Variants in SSRP1 observed in about 807,000 individuals in gnomAD.
SSRP1 encodes structure specific recognition protein 1, also known as FACT complex subunit SSRP1.
A neutral mutation model predicts 84.4 loss-of-function variants in SSRP1; 21 were observed. That is an observed-to-expected ratio of 0.25 (90% CI 0.18 to 0.36). SSRP1 has a LOEUF of 0.36. SSRP1 is among the 10% of genes least tolerant of loss of function. The pLI is 1.00. For missense variants in SSRP1, 519 were observed against 900.8 expected, an observed-to-expected ratio of 0.58 and a Z score of 5.43; for synonymous variants, 319 against 318.3, an observed-to-expected ratio of 1.00 and a Z score of -0.02.
Position 57,333,544 on chromosome 11 carries a change from T to G in SSRP1, c.241-4A>C. On this transcript the variant is annotated splice_region_variant and splice_polypyrimidine_tract_variant and intron_variant, in intron 3 of 16. Transcript: ENST00000278412. ...AATCAGAGAGTTTCTCAAACTCCTG[T>G]GGGTGGAGGGAAGAAAGCACAATCC... 6.2e-7 allele frequency: 1 copy of G among 1,609,330 alleles called. No homozygotes were observed. The highest frequency in any genetic ancestry group is 1.7e-5 in the Admixed American group (1 of 60,002).
At position 57,326,448 on chromosome 11, in the gene SSRP1, G is replaced by C. The variant is rs1329631918; in HGVS notation, c.2089C>G (p.Pro697Ala). Residue 697 changes from proline (P) to alanine (A), a missense_variant, in exon 17 of 17, where the codon CCC becomes GCC. This residue lies in a region of SSRP1 where 197 missense variants were observed against 265.0 expected (regional missense o/e 0.74). Transcript: ENST00000278412. ...DSEEEELAST[P>A]PSSEDSASGS... The stretch of plus-strand genomic sequence containing the variant: ...GACGCTGAGTCCTCTGAGCTGGGGG[G>C]AGTACTGGCTAGTTCTTCTTCTTCA... The C allele has an allele frequency of 6.2e-7, 1 of 1,614,026 alleles. No individual in the cohort carries two copies. The highest frequency in any genetic ancestry group is 8.5e-7 in the Non-Finnish European group (1 of 1,180,032).
At chr11:57,333,280 G>A (rs1174395421) in intron 4 of SSRP1, 131 bp from the exon 5 acceptor site, 2 of 1,157,996 alleles carry the variant, frequency 1.7e-6, no homozygotes, top group Admixed American at 2.2e-5. Flanking sequence ...CCCAACCCCA[G>A]GCAGTATACT....
At chr11:57,328,041 C>T in intron 13 of SSRP1, 159 bp from the exon 14 acceptor site, 1 of 984,274 alleles carries the variant, frequency 1.0e-6, no homozygotes, top group Non-Finnish European at 1.5e-6. Context: ...TCTCCTTCCC[C>T]TCTGCAATTC....
At position 57,335,394 on chromosome 11, in the gene SSRP1, G is replaced by A. The variant is rs1251773713; in HGVS notation, c.-119-154C>T. The A allele has an allele frequency of 7.1e-6, 3 of 421,996 alleles. No individual in the cohort carries two copies. In the Admixed American group the frequency reaches 1.1e-4, roughly 15 times the overall value. The allele number at this position is 421,996 out of a possible 1,614,324, so 26.1% of individuals were successfully genotyped here. On this transcript the variant is annotated intron_variant, in intron 1 of 16. Coordinates refer to ENST00000278412, the MANE Select transcript of SSRP1 (RefSeq NM_003146.3). This position sits in a 1 kb window ranked among gnomAD's most constrained non-coding sequence, Gnocchi z 4.6. ...GGACGCTGCAGTGCCCGAGGGTCCA[G>A]GTCCAGGCCTGGGTGGAGAACCGGG...
At position 57,330,797 on chromosome 11, in the gene SSRP1, CCCTTTCTCCCCT is replaced by C; in HGVS notation, c.1296+46_1296+57del. On this transcript the variant is annotated intron_variant, in intron 10 of 16. Coordinates refer to ENST00000278412, the MANE Select transcript of SSRP1 (RefSeq NM_003146.3). This position sits in a 1 kb window ranked among gnomAD's most constrained non-coding sequence, Gnocchi z 4.0. ...AAAAGAAGCCGGAAAAAATCTCCACCCCTTTCTCCCCTATAGAAAGACCAGGAGAGGGTCTCA... is the reference window on the plus strand; with the variant it reads ...AAAAGAAGCCGGAAAAAATCTCCACCATAGAAAGACCAGGAGAGGGTCTCA... 6.2e-7 allele frequency: 1 copy of C among 1,611,918 alleles called. No homozygotes were observed. The highest frequency in any genetic ancestry group is 8.5e-7 in the Non-Finnish European group (1 of 1,178,650).
chr11:57,327,775 G>A lies in SSRP1; in HGVS notation c.1719C>T (p.Ser573=), dbSNP rs1590604540. The change falls in exon 14 of 17, where the codon AGC becomes AGT. Residue 573 remains serine, a synonymous_variant. Coordinates refer to ENST00000278412, the MANE Select transcript of SSRP1 (RefSeq NM_003146.3). ...CTGCCTTCTTGGAAAGATCCGTGAT[G>A]CTGATGCCAGGATGGTCTGACTTGA... ...EKIKSDHPGI[S]ITDLSKKAGE... is the part of the protein sequence containing the mutation. 1 of 1,614,120 alleles carries A rather than the reference G, an allele frequency of 6.2e-7. No individual in the cohort carries two copies. Among genetic ancestry groups the A allele is most frequent in the Non-Finnish European group, 8.5e-7 (1 of 1,180,026 alleles).
rs1856076614 is a variant in SSRP1 at position 57,330,893 on chromosome 11, C to T, written c.1258G>A (p.Ala420Thr). 2 of 1,614,078 alleles carry T rather than the reference C, an allele frequency of 1.2e-6. No homozygotes were observed. Among genetic ancestry groups the T allele is most frequent in the South Asian group, 1.1e-5 (1 of 91,088 alleles). Residue 420 changes from alanine to threonine, a missense_variant, in exon 10 of 17, where the codon GCG becomes ACG. By Grantham distance (58) the Ala-to-Thr change is moderately conservative. This residue lies in a region of SSRP1 where 34 missense variants were observed against 34.3 expected (regional missense o/e 0.99). Transcript: ENST00000278412. This position sits in a 1 kb window ranked among gnomAD's most constrained non-coding sequence, Gnocchi z 4.0. Reference sequence around the variant, plus strand: ...CGGTTTTTGATGTTGAGCTTTTTCGCGTTGACAAAATCAAACAGTTTCCCG... The same window carrying T: ...CGGTTTTTGATGTTGAGCTTTTTCGTGTTGACAAAATCAAACAGTTTCCCG... ...EYGKLFDFVNAKKLNIKNRGL... is the reference protein window; with the variant it reads ...EYGKLFDFVNTKKLNIKNRGL...
chr11:57,328,453 C>T (rs1311303653), intron 12 of SSRP1, 27 bp from the exon 13 acceptor site: 4 of 1,613,282 alleles, frequency 2.5e-6, no homozygotes, highest in African/African-American at 1.3e-5. Flanking sequence ...CAGGCTTAGA[C>T]TTGAGGAGGG....
At position 57,326,821 on chromosome 11, in the gene SSRP1, G is replaced by A. The variant is rs750663512; in HGVS notation, c.1940C>T (p.Ser647Leu). 7.4e-6 allele frequency: 12 copies of A among 1,614,090 alleles called. No individual in the cohort carries two copies. The highest frequency in any genetic ancestry group is 1.6e-4 in the Middle Eastern group (1 of 6,084). Residue 647 changes from serine to leucine, a missense_variant, in exon 16 of 17, where the codon TCA (serine) becomes TTA (leucine). Around this residue, in one of 7 missense-constraint regions of SSRP1, gnomAD observed 197 missense variants for 265.0 expected, o/e 0.74. Transcript: ENST00000278412. ...MEKKSTPSRG[S>L]SSKSSSRQLS... is the part of the protein sequence containing the mutation. ...CTGCCTTGAGGACGACTTGGATGAT[G>A]AGCCCCTAGAGGGCGTGGATTTCTT...
Position 57,332,541 on chromosome 11 carries a change from T to G in SSRP1, c.769-55A>C. On this transcript the variant is annotated intron_variant, in intron 6 of 16. Transcript: ENST00000278412. This position sits in a 1 kb window ranked among gnomAD's most constrained non-coding sequence, Gnocchi z 5.5. ...TACAACAACTTGCAATTAACCAACG[T>G]AGAATTCTGCACACCAGTGAGATCC... The G allele has an allele frequency of 6.2e-7, 1 of 1,607,462 alleles. No individual in the cohort carries two copies. Among genetic ancestry groups the G allele is most frequent in the Admixed American group, 1.7e-5 (1 of 59,936 alleles).
At position 57,326,141 on chromosome 11, in the gene SSRP1, G is replaced by A. The variant is rs1327877593; in HGVS notation, c.*266C>T. 1 of 540,744 alleles carries A rather than the reference G, an allele frequency of 1.8e-6. No individual in the cohort carries two copies. Among genetic ancestry groups the A allele is most frequent in the East Asian group, 3.0e-5 (1 of 32,940 alleles). 33.5% of individuals were successfully genotyped at this position (540,744 alleles called of 1,614,324 possible). A position where few individuals can be genotyped will look rare whatever the true frequency, so the allele number is the denominator to read the frequency against. On this transcript the variant is annotated 3_prime_UTR_variant, in exon 17 of 17. Transcript: ENST00000278412. ...GGACAAGCAGCAGCTACATCCTTAA[G>A]GTCGGGAAAGTAAGATGAGGATTTG...
chr11:57,331,880 C>G lies in SSRP1; in HGVS notation c.1011G>C (p.Gly337=). The change falls in exon 9 of 17, where the codon GGG becomes GGC. Residue 337 remains glycine (G), a synonymous_variant. Transcript: ENST00000278412. ...TVPGNFQGHS[G]AQCITCSYKA... ...TGTAGGAACAGGTAATGCACTGGGCCCCTGAGTGCCTGACAGAGGGTGCAG... is the reference window on the plus strand; with the variant it reads ...TGTAGGAACAGGTAATGCACTGGGCGCCTGAGTGCCTGACAGAGGGTGCAG... The G allele has an allele frequency of 2.5e-6, 4 of 1,611,724 alleles. No homozygotes were observed. Among genetic ancestry groups the G allele is most frequent in the Non-Finnish European group, 3.4e-6 (4 of 1,179,068 alleles).
chr11:57,331,907 G>A lies in SSRP1; in HGVS notation c.1002-18C>T, dbSNP rs367675662. On this transcript the variant is annotated intron_variant, in intron 8 of 16. Transcript: ENST00000278412. Reference sequence around the variant, plus strand: ...CTGAGTGCCTGACAGAGGGTGCAGGGAGCCTGGTTAGTGCCAACCTCAGCA... The same window carrying A: ...CTGAGTGCCTGACAGAGGGTGCAGGAAGCCTGGTTAGTGCCAACCTCAGCA... 16 of 1,602,744 alleles carry A rather than the reference G, an allele frequency of 1.0e-5. No individual in the cohort carries two copies. In the African/African-American group the frequency reaches 1.9e-4, roughly 19 times the overall value.
At chr11:57,326,949 C>A in intron 15 of SSRP1, 60 bp from the exon 16 acceptor site, 3 of 1,483,410 alleles carry the variant, frequency 2.0e-6, no homozygotes, top group Non-Finnish European at 2.7e-6. Flanking sequence ...CATGACCAAA[C>A]CTCTCCCAGC....
chr11:57,328,212 G>A (rs1458848337), intron 13 of SSRP1, 85 bp downstream of exon 13: 1 of 1,550,198 alleles, frequency 6.5e-7, no homozygotes, highest in Non-Finnish European at 8.7e-7. Context: ...TCCTACTGGT[G>A]GTGGACAGGA....
rs2134390115 is a variant in SSRP1 at position 57,331,775 on chromosome 11, A to T, written c.1116T>A (p.Asp372Glu). Reference protein sequence around the residue: ...VHKPPVHIRFDEISFVNFARG... With the variant: ...VHKPPVHIRFEEISFVNFARG... ...GAGCAAAGTTGACAAAGGAGATCTCATCGAAGCGGATGTGCACAGGTGGCT... is the reference window on the plus strand; with the variant it reads ...GAGCAAAGTTGACAAAGGAGATCTCTTCGAAGCGGATGTGCACAGGTGGCT... Residue 372 changes from aspartate to glutamate, a missense_variant, in exon 9 of 17, where the codon GAT (aspartate) becomes GAA (glutamate). This residue lies in a region of SSRP1 where 159 missense variants were observed against 359.0 expected (regional missense o/e 0.44). Coordinates refer to ENST00000278412, the MANE Select transcript of SSRP1 (RefSeq NM_003146.3). 6.2e-7 allele frequency: 1 copy of T among 1,614,226 alleles called. No homozygotes were observed.
At position 57,335,806 on chromosome 11, in the gene SSRP1, A is replaced by G. The variant is rs1421471444; in HGVS notation, c.-196T>C. ...GGGGGGACGCGGGGGGGGCGCGGGG[A>G]GGGGGATGGGGGGACACCGGGGAAG... On this transcript the variant is annotated 5_prime_UTR_variant, in exon 1 of 17. Coordinates refer to ENST00000278412, the MANE Select transcript of SSRP1 (RefSeq NM_003146.3). The surrounding 1 kb of genome is among the most constrained non-coding windows in gnomAD (Gnocchi z 4.6). 1.3e-5 allele frequency: 2 copies of G among 150,264 alleles called. No homozygotes were observed. The highest frequency in any genetic ancestry group is 4.9e-5 in the African/African-American group (2 of 40,682). The allele number at this position is 150,264 out of a possible 1,614,324, so 9.3% of individuals were successfully genotyped here. A position where few individuals can be genotyped will look rare whatever the true frequency, so the allele number is the denominator to read the frequency against.
At position 57,332,037 on chromosome 11, in the gene SSRP1, C is replaced by T; in HGVS notation, c.1001+115G>A. On this transcript the variant is annotated intron_variant, in intron 8 of 16. Transcript: ENST00000278412. This position sits in a 1 kb window ranked among gnomAD's most constrained non-coding sequence, Gnocchi z 5.5. ...AGAGGCGCTGGCACCTATTGTGACA[C>T]AAGGTCCCATCCAGGCCTCTAGGAG... 1 of 1,557,020 alleles carries T rather than the reference C, an allele frequency of 6.4e-7. No individual in the cohort carries two copies.
At chr11:57,334,888 TC>T (rs1856177048) in intron 2 of SSRP1, among the ~76,000 whole-genome samples, 179 bp downstream of exon 2, 1 of 152,202 alleles carries the variant, frequency 6.6e-6, no homozygotes, top group Non-Finnish European at 1.5e-5. Context: ...GCATATACGG[TC>T]CCTATAACTC....
Sources: allele counts gnomAD v4.1 joint callset (sites outside exome capture counted in the v4.1 genomes callset), GRCh38; gene constraint gnomAD v4.1.1; regional missense constraint gnomAD v4.1.1; non-coding constraint Gnocchi (gnomAD v3.1); transcripts MANE v1.5; gene names NCBI Gene and HGNC (gene_info 2026-07-23, HGNC 2026-07-21).